DNMT3L: variants seen among roughly 807,000 people sequenced by gnomAD.
The protein encoded by DNMT3L is DNA (cytosine-5)-methyltransferase 3-like.
Under a neutral mutation model 36.2 loss-of-function variants are expected in DNMT3L, and 33 were observed. That is an observed-to-expected ratio of 0.91 (90% confidence interval 0.69 to 1.22). The LOEUF is 1.22. Among genes scored for constraint, DNMT3L ranks in the 50% most tolerant of loss-of-function variants. The pLI is 0.00. For missense variants in DNMT3L, 310 were observed against 303.1 expected (o/e 1.02, Z -0.17); for synonymous variants, 117 against 121.7 (o/e 0.96, Z 0.26).
rs1310726400 is a variant in DNMT3L, at chr21:44,261,047, G to A, written c.106+107C>T. ...TGGGGAACCTCCTGCCCCAGCCCGGGTGCCTGAATAATGCATGAATACTCC... is the reference window on the plus strand; with the variant it reads ...TGGGGAACCTCCTGCCCCAGCCCGGATGCCTGAATAATGCATGAATACTCC... On this transcript the variant is annotated intron_variant, in intron 2 of 11. Coordinates refer to ENST00000628202, the MANE Select transcript of DNMT3L (RefSeq NM_175867.3). 7 of 1,443,332 alleles carry A rather than the reference G, an allele frequency of 4.8e-6. No individual in the cohort carries two copies. The East Asian group carries it at 1.4e-4, about 28-fold the overall frequency. 89.4% of individuals were successfully genotyped at this position (1,443,332 alleles called of 1,614,324 possible).
chr21:44,253,902 G>A (rs755557830), intron 8 of DNMT3L, among the ~76,000 whole-genome samples: 54 of 152,180 alleles, frequency 3.5e-4, no homozygotes, highest in Admixed American at 2.9e-3. Context: ...GTCCTTCCAC[G>A]ATGTAGCAAG....
rs1032668131 is a variant in DNMT3L at position 44,258,141 on chromosome 21, C to T, written c.516+382G>A. Among the ~76,000 whole-genome samples, 1 of 152,202 alleles carries T rather than the reference C, an allele frequency of 6.6e-6. No individual in the cohort carries two copies. Among genetic ancestry groups the T allele is most frequent in the Non-Finnish European group, 1.5e-5 (1 of 68,034 alleles). On this transcript the variant is annotated intron_variant, in intron 6 of 11. Coordinates refer to ENST00000628202, the MANE Select transcript of DNMT3L (RefSeq NM_175867.3). This position sits in a 1 kb window ranked among gnomAD's most constrained non-coding sequence, Gnocchi z 6.2. ...GAGGGACAAAATTCCACCTTCTCTG[C>T]CTTTGTCTGAGGTTCCTGCCGGCCC...
chr21:44,260,659 T>G, intron 3 of DNMT3L, 136 bp downstream of exon 3: 1 of 1,092,958 alleles, frequency 9.1e-7, no homozygotes, highest in Non-Finnish European at 1.4e-6. Context: ...AGTCTCACTA[T>G]GTTGCCTAGG....
intron 5 of DNMT3L, among the ~76,000 whole-genome samples, chr21:44,259,062 G>A (rs1421453069): frequency 6.6e-6 from 1 of 152,070 alleles, no homozygotes; most frequent in Non-Finnish European, 1.5e-5. Flanking sequence ...CTGTAAATAC[G>A]AGGATGGCCC....
Position 44,258,746 on chromosome 21 carries a change from GAGGATGGC to G in DNMT3L, c.345-60_345-53del. On this transcript the variant is annotated intron_variant, in intron 5 of 11. Coordinates refer to ENST00000628202, the MANE Select transcript of DNMT3L (RefSeq NM_175867.3). The surrounding 1 kb of genome is among the most constrained non-coding windows in gnomAD (Gnocchi z 6.2). ...GCGGACATGACAGCCCACCTCTCCT[GAGGATGGC>G]AGAGGTGGGCCTGATTGAGCCTTGT... 1 of 1,579,620 alleles carries G rather than the reference GAGGATGGC, an allele frequency of 6.3e-7. No homozygotes were observed. Among genetic ancestry groups the G allele is most frequent in the Non-Finnish European group, 8.6e-7 (1 of 1,159,496 alleles).
intron 6 of DNMT3L, among the ~76,000 whole-genome samples, chr21:44,257,200 T>G (rs891524122): frequency 6.6e-6 from 1 of 151,622 alleles, no homozygotes; most frequent in Non-Finnish European, 1.5e-5. Context: ...GCCAACATGG[T>G]GAAACCCTGT....
At chr21:44,257,327 A>C (rs931598041) in intron 6 of DNMT3L, among the ~76,000 whole-genome samples, 3 of 152,204 alleles carry the variant, frequency 2.0e-5, no homozygotes, top group African/African-American at 7.2e-5. Context: ...CAGTGAGCCA[A>C]GAGGGTGCCA....
chr21:44,261,623 A>C, intron 1 of DNMT3L, 117 bp downstream of exon 1: 2 of 233,022 alleles, frequency 8.6e-6, no homozygotes, highest in Non-Finnish European at 1.7e-5. Flanking sequence ...CCCCTCAGGG[A>C]CTCCCATGCC....
chr21:44,261,309 CCCCTGCTCAGAT>C (rs1436430994), intron 1 of DNMT3L, 43 bp from the exon 2 acceptor site: 1 of 1,584,930 alleles, frequency 6.3e-7, no homozygotes, highest in Non-Finnish European at 8.6e-7. Flanking sequence ...AAGCCGTCAG[CCCCTGCTCAGAT>C]CCCTGATGCA....
intron 6 of DNMT3L, among the ~76,000 whole-genome samples, chr21:44,256,369 G>T (rs1027157348): frequency 6.7e-6 from 1 of 149,882 alleles, no homozygotes; most frequent in African/African-American, 2.5e-5. Flanking sequence ...TCAGTCTCCC[G>T]CTCTGACCTG....
intron 3 of DNMT3L, 58 bp downstream of exon 3, chr21:44,260,735 GGT>G: frequency 1.9e-6 from 3 of 1,607,586 alleles, no homozygotes; most frequent in Non-Finnish European, 2.6e-6. Flanking sequence ...TGGGATTATA[GGT>G]GTGAGCCACT....
intron 1 of DNMT3L, 142 bp downstream of exon 1, chr21:44,261,598 G>A (rs1185388119): frequency 2.3e-5 from 6 of 264,208 alleles, no homozygotes; most frequent in Non-Finnish European, 4.4e-5. Context: ...GCTTTCCTCT[G>A]GGCCCAGCCT....
intron 6 of DNMT3L, among the ~76,000 whole-genome samples, chr21:44,256,575 C>A (rs2040261168): frequency 6.6e-6 from 1 of 151,618 alleles, no homozygotes; most frequent in Admixed American, 6.6e-5. Flanking sequence ...CAGGCACCCG[C>A]CACCACGCCC....
chr21:44,261,586 C>T (rs776350046), intron 1 of DNMT3L, among the ~76,000 whole-genome samples, 154 bp downstream of exon 1: 29 of 152,208 alleles, frequency 1.9e-4, no homozygotes, highest in African/African-American at 4.1e-4. Flanking sequence ...GCTGCAGCCC[C>T]TGCTTTCCTC....
At position 44,259,449 on chromosome 21, in the gene DNMT3L, G is replaced by A. The variant is rs1181686881; in HGVS notation, c.332C>T (p.Pro111Leu). ...CCCCTCGCCTCACCGGGTGCAATCA[G>A]GGTTTCCGCAGATGAGCAGCGTCTC... ...SGETLLICGNPDCTRCYCFEC... is the reference protein window; with the variant it reads ...SGETLLICGNLDCTRCYCFEC... The change falls in exon 5 of 12, where the codon CCT becomes CTT. Residue 111 changes from proline to leucine, a missense_variant. Pro to Leu is a moderately conservative substitution (Grantham distance 98). Coordinates refer to ENST00000628202, the MANE Select transcript of DNMT3L (RefSeq NM_175867.3). 21 of 1,613,506 alleles carry A rather than the reference G, an allele frequency of 1.3e-5. No homozygotes were observed. The highest frequency in any genetic ancestry group is 4.5e-5 in the East Asian group (2 of 44,900).
At chr21:44,257,697 T>TA (rs1491027972) in intron 6 of DNMT3L, among the ~76,000 whole-genome samples, 1 of 49,180 alleles carries the variant, frequency 2.0e-5, no homozygotes, top group Non-Finnish European at 3.5e-5. Flanking sequence ...AAAAAAAAAA[T>TA]AAATAAATAA....
chr21:44,254,984 C>G (rs1358531158), intron 7 of DNMT3L, among the ~76,000 whole-genome samples: 1 of 152,098 alleles, frequency 6.6e-6, no homozygotes, highest in African/African-American at 2.4e-5. Context: ...TGCCACCACG[C>G]CCGGCTAATT....
At chr21:44,255,103 C>T (rs1011037676) in intron 7 of DNMT3L, among the ~76,000 whole-genome samples, 4 of 152,060 alleles carry the variant, frequency 2.6e-5, no homozygotes, top group African/African-American at 9.7e-5. Flanking sequence ...GTTGGGATTA[C>T]ACGTGTGAGC....
rs558104309 is a variant in DNMT3L, at chr21:44,258,133, C to A, written c.516+390G>T. On this transcript the variant is annotated intron_variant, in intron 6 of 11. Transcript: ENST00000628202. The surrounding 1 kb of genome is among the most constrained non-coding windows in gnomAD (Gnocchi z 6.2). The stretch of plus-strand genomic sequence containing the variant: ...CCCTCTCAGAGGGACAAAATTCCAC[C>A]TTCTCTGCCTTTGTCTGAGGTTCCT... Among the ~76,000 whole-genome samples, 1 of 152,290 alleles carries A rather than the reference C, an allele frequency of 6.6e-6. No individual in the cohort carries two copies. The highest frequency in any genetic ancestry group is 2.4e-5 in the African/African-American group (1 of 41,540).
Sources: gnomAD v4.1 joint callset for allele counts (sites outside exome capture counted in the v4.1 genomes callset) on GRCh38, gnomAD v4.1.1 for gene constraint, Gnocchi (gnomAD v3.1) non-coding constraint, MANE v1.5 for transcripts, NCBI Gene and HGNC (gene_info 2026-07-23, HGNC 2026-07-21) for gene names.